Variants in DOCK7 observed in about 807,000 individuals in gnomAD.
DOCK7 encodes the protein dedicator of cytokinesis protein 7.
Under a neutral mutation model 271.0 loss-of-function variants are expected in DOCK7, and 138 were observed. That is an observed-to-expected ratio of 0.51 (90% CI 0.44 to 0.59). DOCK7 has a LOEUF of 0.59. DOCK7 is among the 20% of genes least tolerant of loss of function. DOCK7 has a pLI of 0.00. For missense variants in DOCK7, 2,066 were observed against 2,592.4 expected (o/e 0.80, Z 4.41); for synonymous variants, 823 against 876.1 (o/e 0.94, Z 1.07).
chr1:62,536,310 T>G (rs1044494797), intron 28 of DOCK7, among the ~76,000 whole-genome samples: 2 of 152,142 alleles, frequency 1.3e-5, no homozygotes, highest in South Asian at 2.1e-4. Flanking sequence ...TGAAAGAATC[T>G]GAAAATTACA....
At chr1:62,488,795 C>CTA in intron 42 of DOCK7, 139 bp downstream of exon 42, 1 of 1,091,092 alleles carries the variant, frequency 9.2e-7, no homozygotes, top group Non-Finnish European at 1.4e-6. Flanking sequence ...TGGCCATGAA[C>CTA]TATCATTTTG....
At chr1:62,626,333 A>G (rs1653951354) in intron 11 of DOCK7, among the ~76,000 whole-genome samples, 1 of 152,104 alleles carries the variant, frequency 6.6e-6, no homozygotes, top group African/African-American at 2.4e-5. Context: ...CTACAAAAGA[A>G]GAGAAAAAAA....
chr1:62,687,565 G>C (rs1331056617), intron 1 of DOCK7: 1 of 152,122 alleles, frequency 6.6e-6, no homozygotes, highest in Non-Finnish European at 1.5e-5. Flanking sequence ...TCAGGGATTC[G>C]GCAGCTGCAC....
intron 31 of DOCK7, among the ~76,000 whole-genome samples, chr1:62,523,389 C>T (rs891316966): frequency 7.9e-5 from 12 of 151,990 alleles, no homozygotes; most frequent in African/African-American, 2.9e-4. Context: ...ACCTGGACTC[C>T]CAACTTACAC....
At chr1:62,621,886 TTTC>T (rs1311876887) in intron 12 of DOCK7, among the ~76,000 whole-genome samples, 4 of 152,228 alleles carry the variant, frequency 2.6e-5, no homozygotes, top group Non-Finnish European at 5.9e-5. Flanking sequence ...ATTCAGATTA[TTTC>T]TAGTCTTCAT....
At chr1:62,598,961 C>G (rs74524118) in intron 14 of DOCK7, among the ~76,000 whole-genome samples, 8 of 152,186 alleles carry the variant, frequency 5.3e-5, no homozygotes, top group Admixed American at 2.0e-4. Flanking sequence ...AATAAACTAC[C>G]TGCATTTAAA....
chr1:62,486,099 T>G (rs1016141056), intron 43 of DOCK7: 11 of 152,258 alleles, frequency 7.2e-5, no homozygotes, highest in African/African-American at 2.6e-4. Flanking sequence ...AGGAAATTTA[T>G]AAGGAGTTTT....
intron 48 of DOCK7, among the ~76,000 whole-genome samples, chr1:62,462,148 AC>A (rs1399234333): frequency 1.3e-5 from 2 of 152,282 alleles, no homozygotes; most frequent in Non-Finnish European, 2.9e-5. Flanking sequence ...AGACCTCTAC[AC>A]AAAAAATTTA....
At chr1:62,658,806 A>G (rs1354905024) in intron 2 of DOCK7, among the ~76,000 whole-genome samples, 1 of 152,108 alleles carries the variant, frequency 6.6e-6, no homozygotes, top group East Asian at 1.9e-4. Context: ...ACAAAAAATT[A>G]GCCAGGCATG....
intron 22 of DOCK7, among the ~76,000 whole-genome samples, chr1:62,549,932 T>G (rs1645839346): frequency 6.6e-6 from 1 of 152,218 alleles, no homozygotes; most frequent in Admixed American, 6.5e-5. Context: ...AAGCTTGTCT[T>G]TCTGTGCCTG....
At chr1:62,604,466 T>C (rs896201092) in intron 14 of DOCK7, 11 of 907,616 alleles carry the variant, frequency 1.2e-5, no homozygotes, top group Non-Finnish European at 1.8e-5. Flanking sequence ...AGATTATTTA[T>C]ACAGATTATT....
At chr1:62,571,233 T>C (rs553557709) in intron 18 of DOCK7, among the ~76,000 whole-genome samples, 1 of 152,184 alleles carries the variant, frequency 6.6e-6, no homozygotes, top group African/African-American at 2.4e-5. Flanking sequence ...CATTAAACAG[T>C]GGGCAAAGGA....
chr1:62,590,192 C>A (rs750270438), intron 14 of DOCK7, among the ~76,000 whole-genome samples: 11 of 151,882 alleles, frequency 7.2e-5, no homozygotes, highest in Non-Finnish European at 1.3e-4. Context: ...AGGCTGCAAA[C>A]AGATAAAAGT....
Position 62,619,931 on chromosome 1 carries a change from A to C in DOCK7, c.1488T>G (p.Ser496=). The C allele has an allele frequency of 1.2e-6, 2 of 1,613,794 alleles. No homozygotes were observed. Among genetic ancestry groups the C allele is most frequent in the Non-Finnish European group, 1.7e-6 (2 of 1,179,800 alleles). Residue 496 remains serine, a synonymous_variant, in exon 13 of 50, where the codon TCT becomes TCG. Coordinates refer to ENST00000635253, the MANE Select transcript of DOCK7 (RefSeq NM_001367561.1). ...YKFLADMRRP[S]SVLRRLRPIT... Reference sequence around the variant, plus strand: ...TAGGTCTTAGTCGCCGTAAGACAGAAGATGGCCTTCTCATATCAGCAAGGA... The same window carrying C: ...TAGGTCTTAGTCGCCGTAAGACAGACGATGGCCTTCTCATATCAGCAAGGA...
chr1:62,565,800 GA>G (rs1646494731), intron 18 of DOCK7, among the ~76,000 whole-genome samples: 2 of 152,150 alleles, frequency 1.3e-5, no homozygotes, highest in Admixed American at 6.5e-5. Flanking sequence ...TGTATTTTTA[GA>G]AAACCCCATT....
At position 62,543,623 on chromosome 1, in the gene DOCK7, C is replaced by T. The variant is rs1353792553; in HGVS notation, c.2949+33G>A. ...TCTATTTAATTGGTGAAATTATTTT[C>T]CCCCTCTATGAATTGTCTTCATATG... On this transcript the variant is annotated intron_variant, in intron 24 of 49. Coordinates refer to ENST00000635253, the MANE Select transcript of DOCK7 (RefSeq NM_001367561.1). The T allele has an allele frequency of 4.7e-6, 7 of 1,475,366 alleles. No homozygotes were observed. The Admixed American group carries it at 1.2e-4, about 25-fold the overall frequency. The allele number at this position is 1,475,366 out of a possible 1,614,324, so 91.4% of individuals were successfully genotyped here. A position where few individuals can be genotyped will look rare whatever the true frequency, so the allele number is the denominator to read the frequency against.
intron 14 of DOCK7, among the ~76,000 whole-genome samples, chr1:62,587,299 T>TAAA: frequency 5.3e-4 from 22 of 41,840 alleles, no homozygotes; most frequent in South Asian, 9.2e-4. Flanking sequence ...ACCAAATAGC[T>TAAA]AAAAAAAAAA....
chr1:62,548,165 C>A (rs951927383), intron 22 of DOCK7, among the ~76,000 whole-genome samples: 2 of 150,030 alleles, frequency 1.3e-5, no homozygotes, highest in African/African-American at 4.9e-5. Flanking sequence ...AAAAAATCAA[C>A]ATAAGAATAA....
chr1:62,566,865 C>A (rs1646532562), intron 18 of DOCK7, among the ~76,000 whole-genome samples: 1 of 150,996 alleles, frequency 6.6e-6, no homozygotes, highest in African/African-American at 2.4e-5. Context: ...AATAAATAAT[C>A]CCATCAAAAA....
Sources: gnomAD v4.1 joint callset for allele counts (sites outside exome capture counted in the v4.1 genomes callset) on GRCh38, gnomAD v4.1.1 for gene constraint, MANE v1.5 for transcripts, NCBI Gene and HGNC (gene_info 2026-07-23, HGNC 2026-07-21) for gene names.